DIP2B: variants seen among roughly 807,000 people sequenced by gnomAD.
DIP2B encodes the protein DIP2 acetate--CoA ligase B (putative).
DIP2B carries 76 observed loss-of-function variants against 198.0 expected under a neutral mutation model. The observed-to-expected ratio is 0.38, with a 90% CI of 0.32 to 0.46. The LOEUF (loss-of-function observed/expected upper bound fraction) is 0.46, where lower values mean the gene tolerates loss of function less well. Ranked by LOEUF, DIP2B falls within the 20% of genes least tolerant of loss-of-function variation. The pLI, the probability that DIP2B is intolerant of heterozygous loss-of-function variation, is 0.99. For synonymous variants in DIP2B, 701 were observed against 739.1 expected (o/e 0.95, Z 0.84); for missense variants, 1,559 against 1,978.4 (o/e 0.79, Z 4.02).
intron 4 of DIP2B, among the ~76,000 whole-genome samples, chr12:50,666,137 T>TA (rs1165603797): frequency 6.6e-6 from 1 of 152,224 alleles, no homozygotes; most frequent in Non-Finnish European, 1.5e-5. Context: ...ATATCCAGTG[T>TA]TCTTTAAGCC....
intron 1 of DIP2B, among the ~76,000 whole-genome samples, chr12:50,524,245 C>G (rs1243891936): frequency 1.3e-5 from 2 of 152,176 alleles, no homozygotes; most frequent in Non-Finnish European, 2.9e-5. Context: ...TTCTTTAGCT[C>G]CTTACCTGGT....
intron 1 of DIP2B, among the ~76,000 whole-genome samples, chr12:50,591,569 A>G (rs952594466): frequency 6.6e-6 from 1 of 151,368 alleles, no homozygotes; most frequent in Non-Finnish European, 1.5e-5. Flanking sequence ...TCCTGAGTGT[A>G]TCCTACAAGC....
chr12:50,714,261 A>T, intron 22 of DIP2B, 134 bp from the exon 23 acceptor site: 1 of 837,438 alleles, frequency 1.2e-6, no homozygotes, highest in South Asian at 1.7e-5. Flanking sequence ...ATGGAATCTT[A>T]GTGATCTGCC....
chr12:50,725,485 G>A (rs1310648298), intron 28 of DIP2B, among the ~76,000 whole-genome samples: 2 of 152,216 alleles, frequency 1.3e-5, no homozygotes, highest in Admixed American at 1.3e-4. Flanking sequence ...TGAAAAAGCT[G>A]TGGTATAGGA....
At chr12:50,661,765 A>C (rs932979690) in intron 4 of DIP2B, among the ~76,000 whole-genome samples, 23 of 152,334 alleles carry the variant, frequency 1.5e-4, no homozygotes, top group African/African-American at 4.6e-4. Context: ...CTGAGGGTTC[A>C]GTTGCAGTAA....
chr12:50,612,520 C>T (rs527723958), intron 1 of DIP2B, among the ~76,000 whole-genome samples: 1 of 151,804 alleles, frequency 6.6e-6, no homozygotes, highest in South Asian at 2.1e-4. Context: ...CCTCTGTCTC[C>T]CAGGCTCAAG....
At position 50,611,785 on chromosome 12, in the gene DIP2B, G is replaced by A. The variant is rs1000912224; in HGVS notation, c.101-14191G>A. Among the ~76,000 whole-genome samples, 13 of 152,010 alleles carry A rather than the reference G, an allele frequency of 8.6e-5. No individual in the cohort carries two copies. The East Asian group carries it at 2.5e-3, about 29-fold the overall frequency. Reference sequence around the variant, plus strand: ...TTATTTAGTCTCTGCCCCTCTCTCGGGCTTTTAGCAAGAAATGCCCAAGAA... The same window carrying A: ...TTATTTAGTCTCTGCCCCTCTCTCGAGCTTTTAGCAAGAAATGCCCAAGAA... On this transcript the variant is annotated intron_variant, in intron 1 of 37. Coordinates refer to ENST00000301180, the MANE Select transcript of DIP2B (RefSeq NM_173602.3).
chr12:50,579,116 G>A (rs943115759), intron 1 of DIP2B, among the ~76,000 whole-genome samples: 3 of 152,092 alleles, frequency 2.0e-5, no homozygotes, highest in African/African-American at 7.2e-5. Flanking sequence ...AATTGTTTGA[G>A]AGTTGTGAGC....
chr12:50,615,313 G>A (rs895604787), intron 1 of DIP2B, among the ~76,000 whole-genome samples: 2 of 151,786 alleles, frequency 1.3e-5, no homozygotes, highest in African/African-American at 2.4e-5. Flanking sequence ...GATGCACGTA[G>A]CACTGTTTTG....
chr12:50,732,638 C>T lies in DIP2B; in HGVS notation c.3981+102C>T, dbSNP rs781133394. 2.4e-4 allele frequency: 346 copies of T among 1,428,798 alleles called. 1 individual carries two copies. Among genetic ancestry groups the T allele is most frequent in the Admixed American group, 4.4e-4 (22 of 50,506 alleles). The allele number at this position is 1,428,798 out of a possible 1,614,324, so 88.5% of individuals were successfully genotyped here. A position where few individuals can be genotyped will look rare whatever the true frequency, so the allele number is the denominator to read the frequency against. On this transcript the variant is annotated intron_variant, in intron 32 of 37. Transcript: ENST00000301180. The stretch of plus-strand genomic sequence containing the variant: ...AGGCTGCCTGGGCTTGGGCCCCAGC[C>T]GCACTTACTTGCTTTGGAACTTCGG...
chr12:50,535,060 C>T (rs1958251547), intron 1 of DIP2B, among the ~76,000 whole-genome samples: 1 of 151,976 alleles, frequency 6.6e-6, no homozygotes, highest in African/African-American at 2.4e-5. Flanking sequence ...GAAGCCCTGT[C>T]TCTACAAAAC....
At chr12:50,707,232 G>T (rs984629184) in intron 21 of DIP2B, among the ~76,000 whole-genome samples, 2 of 152,188 alleles carry the variant, frequency 1.3e-5, no homozygotes, top group Non-Finnish European at 2.9e-5. Flanking sequence ...ATTTGCAATC[G>T]TAGATGTGTC....
intron 3 of DIP2B, chr12:50,656,860 C>T (rs1178479945): frequency 6.6e-6 from 1 of 152,140 alleles, no homozygotes; most frequent in Non-Finnish European, 1.5e-5. Flanking sequence ...GCATGAGTCA[C>T]CATGCTGGCC....
intron 1 of DIP2B, among the ~76,000 whole-genome samples, chr12:50,526,935 C>CT (rs1565813195): frequency 6.6e-6 from 1 of 152,134 alleles, no homozygotes; most frequent in Non-Finnish European, 1.5e-5. Context: ...TGCACCCGGC[C>CT]TTTTTTCCTC....
chr12:50,539,295 A>G (rs557057263), intron 1 of DIP2B, among the ~76,000 whole-genome samples: 3 of 148,378 alleles, frequency 2.0e-5, no homozygotes, highest in Non-Finnish European at 4.4e-5. Flanking sequence ...CAGTGGCACT[A>G]TCTCTTATGG....
chr12:50,677,999 G>A (rs1938977410), intron 7 of DIP2B, among the ~76,000 whole-genome samples: 1 of 151,304 alleles, frequency 6.6e-6, no homozygotes, highest in Non-Finnish European at 1.5e-5. Flanking sequence ...CTCAGGGAGT[G>A]GTTGGGAATG....
intron 3 of DIP2B, among the ~76,000 whole-genome samples, chr12:50,658,771 T>C (rs1938595621): frequency 6.6e-6 from 1 of 152,130 alleles, no homozygotes. Context: ...TCTCCTTGTA[T>C]TAGTGGAGGT....
chr12:50,690,733 A>G (rs1341461158), intron 12 of DIP2B, among the ~76,000 whole-genome samples: 1 of 152,108 alleles, frequency 6.6e-6, no homozygotes, highest in Non-Finnish European at 1.5e-5. Flanking sequence ...ACTTGTATTT[A>G]TTTGATATTG....
In DIP2B at chr12:50,669,624, G is replaced by A. The variant is rs189262159; in HGVS notation, c.428-1562G>A. ...ATTTTTAGTAAAGACAGGGTTTCGC[G>A]ATGTTGGCCAGGCTGGTCTTGAACT... On this transcript the variant is annotated intron_variant, in intron 4 of 37. Transcript: ENST00000301180. 1.8e-3 allele frequency among the ~76,000 whole-genome samples: 270 copies of A among 152,160 alleles called. 3 individuals are homozygous for A. The highest frequency in any genetic ancestry group is 0.016 in the Admixed American group (249 of 15,288).
Sources: gnomAD v4.1 joint callset for allele counts (sites outside exome capture counted in the v4.1 genomes callset) on GRCh38, gnomAD v4.1.1 for gene constraint, MANE v1.5 for transcripts, NCBI Gene and HGNC (gene_info 2026-07-23, HGNC 2026-07-21) for gene names.